The following PCSK2 variants were observed in gnomAD, a reference collection of about 807,000 sequenced individuals.
PCSK2 encodes proprotein convertase subtilisin/kexin type 2.
In PCSK2, 14 loss-of-function variants were observed where a neutral mutation model predicts 69.7. The ratio of observed to expected loss-of-function variants is 0.20; its 90% CI spans 0.13 to 0.31. PCSK2 has a LOEUF of 0.31. PCSK2 is among the 10% of genes least tolerant of loss of function. PCSK2 has a pLI of 1.00. For missense variants in PCSK2, 544 were observed against 842.5 expected (o/e 0.65, Z 4.39); for synonymous variants, 307 against 320.7 (o/e 0.96, Z 0.46).
intron 2 of PCSK2, among the ~76,000 whole-genome samples, chr20:17,319,790 T>C (rs1989809577): frequency 6.6e-6 from 1 of 152,166 alleles, no homozygotes; most frequent in African/African-American, 2.4e-5. Context: ...CTTTGAATCA[T>C]GTAAGCATGT....
intron 2 of PCSK2, among the ~76,000 whole-genome samples, chr20:17,326,239 G>A (rs1990048507): frequency 6.6e-6 from 1 of 152,178 alleles, no homozygotes; most frequent in African/African-American, 2.4e-5. Context: ...GAAGCAAACA[G>A]CCAAATGGCA....
chr20:17,388,982 C>T (rs1237726396), intron 5 of PCSK2, among the ~76,000 whole-genome samples: 1 of 152,106 alleles, frequency 6.6e-6, no homozygotes, highest in East Asian at 1.9e-4. Context: ...TGATGATCAA[C>T]CAAGTCACTC....
At chr20:17,472,203 G>A (rs1486463861) in intron 11 of PCSK2, among the ~76,000 whole-genome samples, 2 of 152,346 alleles carry the variant, frequency 1.3e-5, no homozygotes, top group African/African-American at 2.4e-5. Context: ...TGAGGGGACT[G>A]TTCACTGAGC....
At chr20:17,474,166 G>A (rs1222480288) in intron 11 of PCSK2, among the ~76,000 whole-genome samples, 3 of 152,206 alleles carry the variant, frequency 2.0e-5, no homozygotes, top group African/African-American at 7.2e-5. Context: ...CCCAGCTACT[G>A]TGGGCATTGG....
intron 2 of PCSK2, among the ~76,000 whole-genome samples, chr20:17,303,508 T>TG (rs1989205549): frequency 6.6e-5 from 3 of 45,248 alleles, no homozygotes; most frequent in Admixed American, 4.4e-4. Flanking sequence ...ATAATATATA[T>TG]TATATATAAT....
At chr20:17,307,057 C>T (rs763924190) in intron 2 of PCSK2, among the ~76,000 whole-genome samples, 3 of 152,062 alleles carry the variant, frequency 2.0e-5, no homozygotes, top group Non-Finnish European at 4.4e-5. Context: ...AGAATGTCAA[C>T]CATGTTAAAT....
chr20:17,395,303 C>A (rs993979409), intron 5 of PCSK2, among the ~76,000 whole-genome samples: 1 of 152,154 alleles, frequency 6.6e-6, no homozygotes. Flanking sequence ...GTCCCTGAGT[C>A]CACCTTTCAT....
At chr20:17,249,552 A>G (rs374924522) in intron 1 of PCSK2, among the ~76,000 whole-genome samples, 1 of 151,790 alleles carries the variant, frequency 6.6e-6, no homozygotes, top group African/African-American at 2.4e-5. Context: ...AGGTACACCT[A>G]TGTTCATGGC....
intron 6 of PCSK2, among the ~76,000 whole-genome samples, chr20:17,413,665 C>T (rs2031929841): frequency 6.6e-6 from 1 of 152,220 alleles, no homozygotes; most frequent in African/African-American, 2.4e-5. Context: ...TTGAACTCAG[C>T]TCTGGACCAA....
At chr20:17,276,445 AACACACACACACAC>A (rs58766799) in intron 2 of PCSK2, among the ~76,000 whole-genome samples, 18 of 146,864 alleles carry the variant, frequency 1.2e-4, no homozygotes, top group Admixed American at 7.5e-4. Context: ...TTTTAAATTC[AACACACACACACAC>A]ACACACACAC....
At chr20:17,427,001 G>A (rs926035473) in intron 6 of PCSK2, among the ~76,000 whole-genome samples, 1 of 152,234 alleles carries the variant, frequency 6.6e-6, no homozygotes, top group Admixed American at 6.5e-5. Flanking sequence ...TTACATGATA[G>A]TTAAAGATCA....
chr20:17,410,738 A>T (rs2031853312), intron 6 of PCSK2, among the ~76,000 whole-genome samples: 1 of 152,196 alleles, frequency 6.6e-6, no homozygotes, highest in African/African-American at 2.4e-5. Flanking sequence ...TAGCAAATAA[A>T]CCATTTCAGA....
At chr20:17,406,020 A>G in intron 5 of PCSK2, among the ~76,000 whole-genome samples, 1 of 152,216 alleles carries the variant, frequency 6.6e-6, no homozygotes, top group Non-Finnish European at 1.5e-5. Flanking sequence ...AAGCAGGAAA[A>G]TCGATTAAAG....
chr20:17,346,277 C>T (rs564647075), intron 2 of PCSK2, among the ~76,000 whole-genome samples: 1 of 152,264 alleles, frequency 6.6e-6, no homozygotes, highest in Admixed American at 6.5e-5. Context: ...GCGCTGTTGG[C>T]TCCCCTTTAC....
chr20:17,380,474 G>A (rs763625708), intron 5 of PCSK2, among the ~76,000 whole-genome samples: 15 of 152,258 alleles, frequency 9.9e-5, no homozygotes, highest in Admixed American at 5.9e-4. Context: ...CAAATCTCAC[G>A]TCCAACTGCT....
chr20:17,466,263 G>T (rs186610576), intron 11 of PCSK2, among the ~76,000 whole-genome samples: 7 of 152,210 alleles, frequency 4.6e-5, no homozygotes, highest in African/African-American at 1.4e-4. Context: ...TAACTTGCCT[G>T]TTCCATACTT....
chr20:17,325,085 T>A (rs1990000971), intron 2 of PCSK2, among the ~76,000 whole-genome samples: 1 of 152,022 alleles, frequency 6.6e-6, no homozygotes, highest in South Asian at 2.1e-4. Context: ...ACATGTCAGA[T>A]CCCCCACAAA....
intron 2 of PCSK2, among the ~76,000 whole-genome samples, chr20:17,333,832 C>T (rs1029638823): frequency 4.1e-5 from 6 of 148,040 alleles, no homozygotes; most frequent in South Asian, 2.2e-4. Context: ...GGCTAAGAAC[C>T]GTGCTAGCAC....
chr20:17,291,854 C>T (rs765589658), intron 2 of PCSK2, among the ~76,000 whole-genome samples: 1 of 152,082 alleles, frequency 6.6e-6, no homozygotes, highest in Non-Finnish European at 1.5e-5. Flanking sequence ...ATTTTTTTGG[C>T]TCTGTCATTC....
Sources: gnomAD v4.1 joint callset for allele counts (sites outside exome capture counted in the v4.1 genomes callset) on GRCh38, gnomAD v4.1.1 for gene constraint, MANE v1.5 for transcripts, NCBI Gene and HGNC (gene_info 2026-07-23, HGNC 2026-07-21) for gene names.